Variants in ZMYM2 observed in about 807,000 individuals in gnomAD.
ZMYM2 encodes zinc finger MYM-type containing 2, also known as zinc finger MYM-type protein 2.
In ZMYM2, 56 loss-of-function variants were observed where a neutral mutation model predicts 162.8. The ratio of observed to expected loss-of-function variants is 0.34; its 90% CI spans 0.28 to 0.43. The LOEUF (loss-of-function observed/expected upper bound fraction) is 0.43. ZMYM2 is among the 20% of genes least tolerant of loss of function. The pLI, the probability that ZMYM2 is intolerant of heterozygous loss-of-function variation, is 1.00. For missense variants in ZMYM2, 1,275 were observed against 1,621.8 expected, an observed-to-expected ratio of 0.79 and a Z score of 3.67; for synonymous variants, 510 against 541.6, an observed-to-expected ratio of 0.94 and a Z score of 0.81.
At chr13:20,065,894 A>T (rs1239439408) in intron 19 of ZMYM2, among the ~76,000 whole-genome samples, 1 of 152,228 alleles carries the variant, frequency 6.6e-6, no homozygotes, top group East Asian at 1.9e-4. Context: ...ACAATAAAAT[A>T]AAAAAGTGAA....
chr13:20,027,010 A>G (rs952978403), intron 8 of ZMYM2, among the ~76,000 whole-genome samples, 193 bp from the exon 9 acceptor site: 18 of 151,982 alleles, frequency 1.2e-4, no homozygotes, highest in African/African-American at 4.1e-4. Flanking sequence ...CTCTATATCT[A>G]TGTATGTTTT....
chr13:20,030,392 C>A (rs2140297190), intron 9 of ZMYM2, among the ~76,000 whole-genome samples: 1 of 129,680 alleles, frequency 7.7e-6, no homozygotes, highest in South Asian at 2.6e-4. Flanking sequence ...CCACCATGCT[C>A]AGCTAATTTT....
In ZMYM2 at chr13:19,971,244, G is replaced by GTGTGTATATATATATATATATA. The variant is rs5802035; in HGVS notation, c.-11+11219_-11+11220insGTGTATATATATATATATATAT. ...TTTATATATATGTGTGTGTGTGTGT[G>GTGTGTATATATATATATATATA]TATATATATATATATATATTTTTTT... On this transcript the variant is annotated intron_variant, in intron 2 of 24. Coordinates refer to ENST00000610343, the MANE Select transcript of ZMYM2 (RefSeq NM_197968.4). Among the ~76,000 whole-genome samples, 95 of 50,038 alleles carry GTGTGTATATATATATATATATA rather than the reference G, an allele frequency of 1.9e-3. 3 individuals carry two copies. Among genetic ancestry groups the GTGTGTATATATATATATATATA allele is most frequent in the South Asian group, 4.6e-3 (7 of 1,536 alleles). 32.8% of individuals were successfully genotyped at this position (50,038 alleles called of 152,430 possible). A position where few individuals can be genotyped will look rare whatever the true frequency, so the allele number is the denominator to read the frequency against.
chr13:20,016,097 G>A (rs1315107002), intron 6 of ZMYM2, among the ~76,000 whole-genome samples: 1 of 150,658 alleles, frequency 6.6e-6, no homozygotes. Flanking sequence ...CTCATTTCCT[G>A]CATTATGGCT....
the ZMYM2 span, among the ~76,000 whole-genome samples, chr13:19,942,844 G>C: frequency 6.6e-6 from 1 of 152,080 alleles, no homozygotes; most frequent in African/African-American, 2.4e-5. Context: ...TGAGAAAACT[G>C]GTTAACAAAT....
chr13:19,966,032 G>T (rs1955732925), intron 2 of ZMYM2, among the ~76,000 whole-genome samples: 1 of 151,858 alleles, frequency 6.6e-6, no homozygotes, highest in South Asian at 2.1e-4. Flanking sequence ...ACCTGCCTGG[G>T]CCTCCCAAAG....
chr13:20,084,002 A>C (rs1173242333), intron 24 of ZMYM2, among the ~76,000 whole-genome samples: 1 of 152,122 alleles, frequency 6.6e-6, no homozygotes, highest in African/African-American at 2.4e-5. Flanking sequence ...TACTAATGAA[A>C]TTTCTACTGC....
chr13:20,079,316 C>CAAAAAAAAAA lies in ZMYM2; in HGVS notation c.3454-2682_3454-2673dup, dbSNP rs1158594782. Reference sequence around the variant, plus strand: ...CTGGCAACAGAGTAAGACTCTGTCTCAAAAAAAAAAAAAAAAAAAAAAAAA... The same window carrying CAAAAAAAAAA: ...CTGGCAACAGAGTAAGACTCTGTCTCAAAAAAAAAAAAAAAAAAAAAAAAAAAAAAAAAAA... On this transcript the variant is annotated intron_variant, in intron 21 of 24. Coordinates refer to ENST00000610343, the MANE Select transcript of ZMYM2 (RefSeq NM_197968.4). Among the ~76,000 whole-genome samples the CAAAAAAAAAA allele has an allele frequency of 5.2e-4, 12 of 23,160 alleles. 1 individual carries two copies. The highest frequency in any genetic ancestry group is 2.0e-3 in the African/African-American group (9 of 4,534). 15.2% of individuals were successfully genotyped at this position (23,160 alleles called of 152,430 possible). A position where few individuals can be genotyped will look rare whatever the true frequency, so the allele number is the denominator to read the frequency against.
chr13:19,881,974 T>C, the ZMYM2 span, among the ~76,000 whole-genome samples: 696 of 67,438 alleles, frequency 0.01, 7 homozygotes, highest in African/African-American at 0.028. Flanking sequence ...AGTGAGACTC[T>C]GTATCCAAAA....
At chr13:19,892,299 T>G in the ZMYM2 span, among the ~76,000 whole-genome samples, 1 of 151,736 alleles carries the variant, frequency 6.6e-6, no homozygotes, top group African/African-American at 2.4e-5. Flanking sequence ...TGAGACGGAG[T>G]CTCACTCTGT....
intron 12 of ZMYM2, among the ~76,000 whole-genome samples, chr13:20,045,771 A>G (rs1162468299): frequency 6.6e-6 from 1 of 151,856 alleles, no homozygotes; most frequent in African/African-American, 2.4e-5. Flanking sequence ...TGTGATGATG[A>G]TTTCCCTGTT....
intron 6 of ZMYM2, among the ~76,000 whole-genome samples, chr13:20,010,479 A>G (rs181702246): frequency 6.6e-6 from 1 of 152,270 alleles, no homozygotes; most frequent in Non-Finnish European, 1.5e-5. Flanking sequence ...CTAGGATTAC[A>G]GTGTGAGCCA....
intron 12 of ZMYM2, among the ~76,000 whole-genome samples, chr13:20,050,168 T>C (rs1198464282): frequency 1.3e-5 from 2 of 151,950 alleles, no homozygotes; most frequent in Non-Finnish European, 2.9e-5. Flanking sequence ...TTAGTAGTCA[T>C]AATTTATACT....
chr13:19,919,062 C>T, the ZMYM2 span, among the ~76,000 whole-genome samples: 1 of 152,032 alleles, frequency 6.6e-6, no homozygotes, highest in Non-Finnish European at 1.5e-5. Flanking sequence ...CTGTTTTCCA[C>T]CTCTATAATT....
At chr13:19,983,936 T>G (rs946452909) in intron 2 of ZMYM2, among the ~76,000 whole-genome samples, 8 of 152,202 alleles carry the variant, frequency 5.3e-5, no homozygotes, top group African/African-American at 1.9e-4. Flanking sequence ...CCAGGAATTT[T>G]TATTCTTAAC....
chr13:20,080,856 G>A (rs1426398642), intron 21 of ZMYM2, among the ~76,000 whole-genome samples: 1 of 152,102 alleles, frequency 6.6e-6, no homozygotes, highest in Non-Finnish European at 1.5e-5. Context: ...AGGACCAAAT[G>A]GTACATGGTT....
At chr13:19,905,496 G>A in the ZMYM2 span, among the ~76,000 whole-genome samples, 1 of 152,022 alleles carries the variant, frequency 6.6e-6, no homozygotes, top group South Asian at 2.1e-4. Context: ...TTAATTATCA[G>A]GCTGTCACAC....
chr13:20,076,227 A>T (rs1053295900), intron 21 of ZMYM2, among the ~76,000 whole-genome samples: 4 of 150,302 alleles, frequency 2.7e-5, no homozygotes, highest in Admixed American at 2.6e-4. Context: ...CTATATCACA[A>T]TTAATTTAGT....
intron 12 of ZMYM2, among the ~76,000 whole-genome samples, chr13:20,040,127 C>G (rs1954109482): frequency 2.6e-5 from 4 of 152,146 alleles, no homozygotes; most frequent in Admixed American, 2.6e-4. Flanking sequence ...GAAGTCCCCC[C>G]TCCTCAATTT....
Sources: gnomAD v4.1 joint callset for allele counts (sites outside exome capture counted in the v4.1 genomes callset) on GRCh38, gnomAD v4.1.1 for gene constraint, MANE v1.5 for transcripts, NCBI Gene and HGNC (gene_info 2026-07-23, HGNC 2026-07-21) for gene names.